ANO6: variants seen among roughly 807,000 people sequenced by gnomAD.
ANO6 encodes anoctamin-6.
Under a neutral mutation model 117.5 loss-of-function variants are expected in ANO6, and 106 were observed. That is an observed-to-expected ratio of 0.90 (90% CI 0.77 to 1.06). The LOEUF (loss-of-function observed/expected upper bound fraction) is 1.06. ANO6 is among the 50% of genes least tolerant of loss of function. ANO6 has a pLI of 0.00. For missense variants in ANO6, 955 were observed against 1,121.1 expected, an observed-to-expected ratio of 0.85 and a Z score of 2.12; for synonymous variants, 367 against 385.1, an observed-to-expected ratio of 0.95 and a Z score of 0.55.
chr12:45,233,800 G>A (rs557015121), intron 1 of ANO6, among the ~76,000 whole-genome samples: 3 of 152,236 alleles, frequency 2.0e-5, no homozygotes, highest in East Asian at 3.9e-4. Flanking sequence ...GTCCCTGCAA[G>A]CACTTAAAGA....
chr12:45,347,947 A>T (rs1431913684), intron 4 of ANO6, 81 bp from the exon 5 acceptor site: 16 of 1,404,362 alleles, frequency 1.1e-5, no homozygotes, highest in Admixed American at 3.5e-5. Context: ...AAAGCTACCA[A>T]CAACATAAGA....
At chr12:45,267,276 G>C (rs1314743508) in intron 1 of ANO6, among the ~76,000 whole-genome samples, 1 of 152,096 alleles carries the variant, frequency 6.6e-6, no homozygotes, top group East Asian at 1.9e-4. Context: ...TCTTTCCTCT[G>C]TGGGCATGCA....
chr12:45,288,306 C>A (rs1938983188), intron 1 of ANO6, among the ~76,000 whole-genome samples: 1 of 152,182 alleles, frequency 6.6e-6, no homozygotes, highest in African/African-American at 2.4e-5. Context: ...TAAGTACATT[C>A]ACATTGTTGT....
intron 3 of ANO6, among the ~76,000 whole-genome samples, chr12:45,342,638 T>G (rs1941012495): frequency 6.6e-6 from 1 of 152,200 alleles, no homozygotes; most frequent in East Asian, 1.9e-4. Flanking sequence ...TTTACACTCC[T>G]TAGTTCATTC....
chr12:45,351,214 G>A (rs995518361), intron 7 of ANO6, among the ~76,000 whole-genome samples: 10 of 152,196 alleles, frequency 6.6e-5, no homozygotes, highest in South Asian at 4.1e-4. Flanking sequence ...GTTACCCACC[G>A]CCCAGGAACT....
intron 2 of ANO6, among the ~76,000 whole-genome samples, chr12:45,318,329 GCT>G (rs1226176413): frequency 2.6e-5 from 4 of 152,148 alleles, no homozygotes; most frequent in Non-Finnish European, 5.9e-5. Context: ...TCCAGTTTCA[GCT>G]CTCTACATAT....
At chr12:45,246,457 A>G (rs960621667) in intron 1 of ANO6, among the ~76,000 whole-genome samples, 6 of 152,214 alleles carry the variant, frequency 3.9e-5, no homozygotes, top group African/African-American at 1.4e-4. Flanking sequence ...CTGCGAGGAA[A>G]GAGCAATGGA....
At chr12:45,305,220 T>C (rs1396445276) in intron 2 of ANO6, among the ~76,000 whole-genome samples, 1 of 152,110 alleles carries the variant, frequency 6.6e-6, no homozygotes, top group Non-Finnish European at 1.5e-5. Context: ...AAGATGGGTG[T>C]GTGGGTAAGA....
intron 2 of ANO6, among the ~76,000 whole-genome samples, chr12:45,326,234 A>G (rs1049467995): frequency 6.6e-6 from 1 of 152,200 alleles, no homozygotes; most frequent in East Asian, 1.9e-4. Flanking sequence ...AAGGCATTTC[A>G]TGGCACAATC....
intron 1 of ANO6, among the ~76,000 whole-genome samples, chr12:45,264,478 TGGG>T (rs35752641): frequency 6.6e-6 from 1 of 152,206 alleles, no homozygotes; most frequent in Non-Finnish European, 1.5e-5. Context: ...GATAATTTTT[TGGG>T]GGGTTGGCTT....
rs148314694 is a variant in ANO6, at chr12:45,223,093, A to G, written c.70+6702A>G. Among the ~76,000 whole-genome samples the G allele has an allele frequency of 4.3e-3, 662 of 152,310 alleles. 6 individuals are homozygous for G. The highest frequency in any genetic ancestry group is 0.015 in the African/African-American group (626 of 41,568). On this transcript the variant is annotated intron_variant, in intron 1 of 19. Transcript: ENST00000320560. The stretch of plus-strand genomic sequence containing the variant: ...CATACCTCACTCTATGCATCTCTTC[A>G]TCTTTATCTTTTATAATAAACTGGT...
intron 1 of ANO6, among the ~76,000 whole-genome samples, chr12:45,222,550 TCCTGGCTTATAACTA>T (rs1947420224): frequency 6.6e-6 from 1 of 152,204 alleles, no homozygotes; most frequent in Non-Finnish European, 1.5e-5. Context: ...TGTCCATGGT[TCCTGGCTTATAACTA>T]CCATAACTCT....
chr12:45,402,295 C>T (rs1403681460), intron 13 of ANO6, among the ~76,000 whole-genome samples: 4 of 152,178 alleles, frequency 2.6e-5, no homozygotes, highest in Non-Finnish European at 5.9e-5. Flanking sequence ...ATCATGTACT[C>T]TATTGTTGAA....
intron 1 of ANO6, among the ~76,000 whole-genome samples, chr12:45,291,869 G>A (rs765376174): frequency 6.6e-6 from 1 of 151,948 alleles, no homozygotes; most frequent in African/African-American, 2.4e-5. Flanking sequence ...ATTGCTGATG[G>A]GACTGTAAAA....
In ANO6 at chr12:45,430,768, T is replaced by C. The variant is rs982297290; in HGVS notation, c.*1457T>C. The C allele has an allele frequency of 2.4e-5, 24 of 985,288 alleles. No homozygotes were observed. The highest frequency in any genetic ancestry group is 4.7e-5 in the South Asian group (1 of 21,282). The allele number at this position is 985,288 out of a possible 1,614,324, so 61.0% of individuals were successfully genotyped here. On this transcript the variant is annotated 3_prime_UTR_variant, in exon 20 of 20. Coordinates refer to ENST00000320560, the MANE Select transcript of ANO6 (RefSeq NM_001025356.3). ...CTCAGCCTAGCAGTCTACTTCACTTTATTGCCTTGTAAGTGTCAGGCCTCC... is the reference window on the plus strand; with the variant it reads ...CTCAGCCTAGCAGTCTACTTCACTTCATTGCCTTGTAAGTGTCAGGCCTCC...
chr12:45,371,633 G>C (rs1380143256), intron 9 of ANO6, among the ~76,000 whole-genome samples: 1 of 151,828 alleles, frequency 6.6e-6, no homozygotes, highest in Non-Finnish European at 1.5e-5. Context: ...TACTCCAACA[G>C]ACCTGCAGCT....
At chr12:45,373,331 G>T (rs954437758) in intron 9 of ANO6, among the ~76,000 whole-genome samples, 4 of 151,316 alleles carry the variant, frequency 2.6e-5, no homozygotes, top group Non-Finnish European at 4.4e-5. Flanking sequence ...GGATACCCAG[G>T]AATTGAACTC....
At chr12:45,330,677 G>T (rs1940632516) in intron 2 of ANO6, among the ~76,000 whole-genome samples, 1 of 151,930 alleles carries the variant, frequency 6.6e-6, no homozygotes, top group South Asian at 2.1e-4. Flanking sequence ...TGGTTCTTTT[G>T]GTTTTTTAAA....
chr12:45,254,456 G>T (rs1050203467), intron 1 of ANO6, among the ~76,000 whole-genome samples: 2 of 152,304 alleles, frequency 1.3e-5, no homozygotes, highest in East Asian at 3.9e-4. Context: ...CAGAAACAAA[G>T]TCCTGTTTTC....
Sources: allele counts gnomAD v4.1 joint callset (sites outside exome capture counted in the v4.1 genomes callset), GRCh38; gene constraint gnomAD v4.1.1; transcripts MANE v1.5; gene names NCBI Gene and HGNC (gene_info 2026-07-23, HGNC 2026-07-21).